The following CHD5 variants were observed in gnomAD, a reference collection of about 807,000 sequenced individuals.
CHD5 encodes ATP-dependent chromatin remodeler CHD5.
Under a neutral mutation model 230.3 loss-of-function variants are expected in CHD5, and 69 were observed. That is an observed-to-expected ratio of 0.30 (90% confidence interval 0.25 to 0.37). The LOEUF (loss-of-function observed/expected upper bound fraction) is 0.37, where lower values mean the gene tolerates loss of function less well. Ranked by LOEUF, CHD5 falls within the 10% of genes least tolerant of loss-of-function variation. The pLI is 1.00. For missense variants in CHD5, 1,827 were observed against 2,622.8 expected, an observed-to-expected ratio of 0.70 and a Z score of 6.63; for synonymous variants, 1,064 against 1,065.9, an observed-to-expected ratio of 1.00 and a Z score of 0.03.
At chr1:6,111,983 C>G (rs923216059) in intron 35 of CHD5, 100 bp from the exon 36 acceptor site, 1 of 1,371,784 alleles carries the variant, frequency 7.3e-7, no homozygotes. Context: ...ACTGCCTCCA[C>G]CCCCAGAGGT....
At chr1:6,136,888 G>A (rs779173456) in intron 15 of CHD5, 23 bp from the exon 16 acceptor site, 2 of 1,592,218 alleles carry the variant, frequency 1.3e-6, no homozygotes, top group Non-Finnish European at 1.7e-6. Context: ...GGGGCATTGG[G>A]GATGAGACGG....
At position 6,149,042 on chromosome 1, in the gene CHD5, C is replaced by G; in HGVS notation, c.1195G>C (p.Asp399His). Reference sequence around the variant, plus strand: ...CCGCCCTCCTCCTCTTCATCGTCGTCGTCCTTCGGCTCCCACTGGATCCCC... The same window carrying G: ...CCGCCCTCCTCCTCTTCATCGTCGTGGTCCTTCGGCTCCCACTGGATCCCC... ...KEGIQWEPKD[D>H]DDEEEEGGCE... Residue 399 changes from aspartate (D) to histidine (H), a missense_variant, in exon 9 of 42, where the codon GAC (aspartate) becomes CAC (histidine). Transcript: ENST00000262450. 1 of 1,582,974 alleles carries G rather than the reference C, an allele frequency of 6.3e-7. No homozygotes were observed. Among genetic ancestry groups the G allele is most frequent in the Non-Finnish European group, 8.6e-7 (1 of 1,165,338 alleles).
chr1:6,165,142 G>A (rs938247695), intron 2 of CHD5, among the ~76,000 whole-genome samples: 2 of 152,184 alleles, frequency 1.3e-5, no homozygotes, highest in Admixed American at 1.3e-4. Context: ...ATGGCCCTGG[G>A]AATGAGAGCG....
chr1:6,105,955 G>A lies in CHD5; in HGVS notation c.*46+279C>T, dbSNP rs571736978. ...AACATGTGTGCAAATGAGAACACATGTGCACACACAGGAGCTCACCCAAGT... is the reference window on the plus strand; with the variant it reads ...AACATGTGTGCAAATGAGAACACATATGCACACACAGGAGCTCACCCAAGT... On this transcript the variant is annotated intron_variant, in intron 41 of 41. Coordinates refer to ENST00000262450, the MANE Select transcript of CHD5 (RefSeq NM_015557.3). This position sits in a 1 kb window ranked among gnomAD's most constrained non-coding sequence, Gnocchi z 4.8. Among the ~76,000 whole-genome samples, 2 of 152,242 alleles carry A rather than the reference G, an allele frequency of 1.3e-5. No individual in the cohort carries two copies. The highest frequency in any genetic ancestry group is 4.8e-5 in the African/African-American group (2 of 41,548).
In CHD5 at chr1:6,125,371, G is replaced by T; in HGVS notation, c.4261-138C>A. The T allele has an allele frequency of 1.7e-6, 2 of 1,199,748 alleles. No homozygotes were observed. The highest frequency in any genetic ancestry group is 2.5e-4 in the Middle Eastern group (1 of 4,046). The allele number at this position is 1,199,748 out of a possible 1,614,324, so 74.3% of individuals were successfully genotyped here. On this transcript the variant is annotated intron_variant, in intron 28 of 41. Coordinates refer to ENST00000262450, the MANE Select transcript of CHD5 (RefSeq NM_015557.3). This position sits in a 1 kb window ranked among gnomAD's most constrained non-coding sequence, Gnocchi z 6.7. ...AGAGAAGGCAGGGGCCTCCACCTGG[G>T]GCAGGACCCTGACGGCGAAGACCAG...
chr1:6,152,311 G>A lies in CHD5; in HGVS notation c.870+101C>T. The A allele has an allele frequency of 2.9e-6, 4 of 1,386,066 alleles. No homozygotes were observed. The South Asian group carries it at 5.0e-5, about 17-fold the overall frequency. 85.9% of individuals were successfully genotyped at this position (1,386,066 alleles called of 1,614,324 possible). ...GGAGGGGTGCGACCTGCCCCAGCTA[G>A]TTTGTAATGAACTGAAGGCCCTCGC... On this transcript the variant is annotated intron_variant, in intron 6 of 41. Transcript: ENST00000262450.
intron 1 of CHD5, among the ~76,000 whole-genome samples, chr1:6,179,404 G>T (rs1249271550): frequency 6.6e-6 from 1 of 152,136 alleles, no homozygotes; most frequent in Non-Finnish European, 1.5e-5. Context: ...CTCCTGGGCC[G>T]GGAGGGAAGC....
rs760080035 is a variant in CHD5 at position 6,168,180 on chromosome 1, G to A, written c.177C>T (p.Asn59=). The A allele has an allele frequency of 4.3e-6, 7 of 1,611,636 alleles. No individual in the cohort carries two copies. The Admixed American group carries it at 1.2e-4, about 27-fold the overall frequency. ...KKKKPKKLKE[N]KCKGKRKKKE... ...TCTTCTTCCGCTTCCCTTTACACTT[G>A]TTTTCCTTGAGCTTCTTGGGTTTCT... is the stretch of plus-strand genomic sequence containing the variant. Residue 59 remains asparagine (N), a synonymous_variant, in exon 2 of 42, where the codon AAC becomes AAT. Transcript: ENST00000262450.
chr1:6,110,306 C>G, intron 37 of CHD5, 88 bp downstream of exon 37: 1 of 1,493,744 alleles, frequency 6.7e-7, no homozygotes, highest in Non-Finnish European at 9.2e-7. Context: ...GGAGGGGTTG[C>G]TGCTCTCTAA....
chr1:6,122,565 A>C (rs1557541657), intron 31 of CHD5, among the ~76,000 whole-genome samples: 1 of 152,206 alleles, frequency 6.6e-6, no homozygotes, highest in Non-Finnish European at 1.5e-5. Context: ...GCTGCTTTGG[A>C]AAACAGTCTA....
At chr1:6,124,328 C>T (rs1386122626) in intron 30 of CHD5, among the ~76,000 whole-genome samples, 189 bp downstream of exon 30, 1 of 145,676 alleles carries the variant, frequency 6.9e-6, no homozygotes, top group African/African-American at 2.5e-5. Flanking sequence ...AACCCACCAT[C>T]CTGGCCTCCA....
rs904978884 is a variant in CHD5, at chr1:6,128,512, A to G, written c.3717T>C (p.Gly1239=). ...GTTGGCCCCTACCTGGCGGGGTGCT[A>G]CCGTGCTTCTTCTTTGCACTGGCGG... ...NLAASAKKKH[G]STPPGDNKDV... Residue 1239 remains glycine (G), a synonymous_variant, in exon 24 of 42, where the codon GGT becomes GGC. Coordinates refer to ENST00000262450, the MANE Select transcript of CHD5 (RefSeq NM_015557.3). The surrounding 1 kb of genome is among the most constrained non-coding windows in gnomAD (Gnocchi z 7.8). The G allele has an allele frequency of 1.1e-5, 18 of 1,613,432 alleles. No homozygotes were observed. Among genetic ancestry groups the G allele is most frequent in the Non-Finnish European group, 1.4e-5 (17 of 1,179,514 alleles).
intron 37 of CHD5, 96 bp downstream of exon 37, chr1:6,110,298 A>C: frequency 2.9e-6 from 4 of 1,398,038 alleles, no homozygotes; most frequent in Non-Finnish European, 4.0e-6. Flanking sequence ...GTACACGGGG[A>C]GGGGTTGCTG....
rs1426002320 is a variant in CHD5 at position 6,167,231 on chromosome 1, C to T, written c.207+919G>A. 6.6e-6 allele frequency among the ~76,000 whole-genome samples: 1 copy of T among 152,194 alleles called. No homozygotes were observed. The highest frequency in any genetic ancestry group is 6.5e-5 in the Admixed American group (1 of 15,286). ...GGGAGGGGAGAAACACTCCTGGCAG[C>T]GGTGGCTGGTGGAGCTGACAGCCCT... On this transcript the variant is annotated intron_variant, in intron 2 of 41. Coordinates refer to ENST00000262450, the MANE Select transcript of CHD5 (RefSeq NM_015557.3). The surrounding 1 kb of genome is among the most constrained non-coding windows in gnomAD (Gnocchi z 4.5).
At chr1:6,127,040 C>A in intron 25 of CHD5, 1 of 435,704 alleles carries the variant, frequency 2.3e-6, no homozygotes, top group Non-Finnish European at 4.2e-6. Flanking sequence ...CTTGCCTGCC[C>A]TCAGGAGGCT....
intron 3 of CHD5, among the ~76,000 whole-genome samples, chr1:6,157,616 A>G (rs560956108): frequency 6.6e-6 from 1 of 152,296 alleles, no homozygotes; most frequent in East Asian, 1.9e-4. Context: ...AGGCTGCGGG[A>G]GGCCTCCAGA....
chr1:6,112,873 T>C (rs768354762), intron 34 of CHD5, 36 bp downstream of exon 34: 9 of 1,512,696 alleles, frequency 5.9e-6, no homozygotes, highest in Non-Finnish European at 8.2e-6. Flanking sequence ...CAAGGGACCA[T>C]GGGGCACAGG....
chr1:6,111,739 G>A (rs373561443), intron 36 of CHD5, 36 bp downstream of exon 36: 39 of 1,564,396 alleles, frequency 2.5e-5, no homozygotes, highest in African/African-American at 4.1e-5. Flanking sequence ...GGAGGAACGG[G>A]CAAGTCCCTG....
chr1:6,136,658 GC>G lies in CHD5; in HGVS notation c.2575-21del. On this transcript the variant is annotated intron_variant, in intron 16 of 41. Coordinates refer to ENST00000262450, the MANE Select transcript of CHD5 (RefSeq NM_015557.3). ...AAAAAACTGAGGGGAGGAGAGTGGG[GC>G]CTGTCAGGGGGCTCTGGGCGGCCCC... is the stretch of plus-strand genomic sequence containing the variant. 1 of 1,613,698 alleles carries G rather than the reference GC, an allele frequency of 6.2e-7. No homozygotes were observed.
Sources: allele counts gnomAD v4.1 joint callset (sites outside exome capture counted in the v4.1 genomes callset), GRCh38; gene constraint gnomAD v4.1.1; non-coding constraint Gnocchi (gnomAD v3.1); transcripts MANE v1.5; gene names NCBI Gene and HGNC (gene_info 2026-07-23, HGNC 2026-07-21).